Variants in DENND1A observed in about 807,000 individuals in gnomAD.
The protein encoded by DENND1A is DENN domain containing 1A.
DENND1A carries 51 observed loss-of-function variants against 113.7 expected under a neutral mutation model. The observed-to-expected ratio is 0.45, with a 90% CI of 0.36 to 0.57. The LOEUF (loss-of-function observed/expected upper bound fraction) is 0.57, where lower values mean the gene tolerates loss of function less well. Among genes scored for constraint, DENND1A ranks in the 20% least tolerant of loss-of-function variants. The probability of loss-of-function intolerance (pLI) is 0.00; values close to 1 mark genes in which losing one functional copy is unlikely to be tolerated. For synonymous variants in DENND1A, 565 were observed against 570.8 expected (o/e 0.99, Z 0.14); for missense variants, 1,258 against 1,395.9 (o/e 0.90, Z 1.57).
chr9:123,383,181 C>T (rs913333297), intron 23 of DENND1A, among the ~76,000 whole-genome samples: 10 of 152,234 alleles, frequency 6.6e-5, no homozygotes, highest in Non-Finnish European at 1.3e-4. Context: ...GTCAGAAGAC[C>T]CCACTTGCAA....
intron 8 of DENND1A, among the ~76,000 whole-genome samples, chr9:123,662,937 T>C (rs889932561): frequency 1.4e-4 from 22 of 151,910 alleles, no homozygotes; most frequent in Non-Finnish European, 2.9e-5. Flanking sequence ...TATAGGAAAA[T>C]CAATAAGTGA....
intron 12 of DENND1A, among the ~76,000 whole-genome samples, chr9:123,570,854 AG>A (rs2058315634): frequency 6.6e-6 from 1 of 152,212 alleles, no homozygotes; most frequent in African/African-American, 2.4e-5. Context: ...CGAGAGTCTG[AG>A]GGTTCTGGGC....
At chr9:123,817,723 G>T (rs1312312612) in intron 2 of DENND1A, among the ~76,000 whole-genome samples, 1 of 152,254 alleles carries the variant, frequency 6.6e-6, no homozygotes, top group East Asian at 1.9e-4. Context: ...TCAACTTTTA[G>T]AAATATACTA....
intron 2 of DENND1A, among the ~76,000 whole-genome samples, chr9:123,831,970 G>A (rs993662688): frequency 2.0e-5 from 3 of 152,004 alleles, no homozygotes; most frequent in African/African-American, 7.2e-5. Flanking sequence ...GCAACAGAGT[G>A]AGACTCCATC....
chr9:123,381,993 G>T lies in DENND1A; in HGVS notation c.2652C>A (p.Pro884=), dbSNP rs1170253947. 7 of 1,480,242 alleles carry T rather than the reference G, an allele frequency of 4.7e-6. No homozygotes were observed. Among genetic ancestry groups the T allele is most frequent in the African/African-American group, 1.4e-5 (1 of 71,246 alleles). The allele number at this position is 1,480,242 out of a possible 1,614,324, so 91.7% of individuals were successfully genotyped here. A position where few individuals can be genotyped will look rare whatever the true frequency, so the allele number is the denominator to read the frequency against. ...TGAGTGGTGGCTGTGGGAATGGGGT[G>T]GGTGTCCCTGCAGGGGGGAAGCTGA... ...PQFSFPPAGT[P]TPFPQPPLNP... is the part of the protein sequence containing the mutation. The change falls in exon 24 of 24, where the codon CCC becomes CCA. Residue 884 remains proline, a synonymous_variant. Coordinates refer to ENST00000394215, the MANE Select transcript of DENND1A (RefSeq NM_001352964.2). The surrounding 1 kb of genome is among the most constrained non-coding windows in gnomAD (Gnocchi z 4.7).
intron 5 of DENND1A, among the ~76,000 whole-genome samples, chr9:123,705,546 T>A (rs2066141092): frequency 6.6e-6 from 1 of 152,074 alleles, no homozygotes; most frequent in Non-Finnish European, 1.5e-5. Context: ...AAAATGTAAT[T>A]AAAAATATAT....
chr9:123,891,798 A>T (rs1261742932), intron 1 of DENND1A, among the ~76,000 whole-genome samples: 2 of 152,224 alleles, frequency 1.3e-5, no homozygotes, highest in African/African-American at 4.8e-5. Context: ...CCAAAATTCC[A>T]TCGATCCATC....
intron 2 of DENND1A, among the ~76,000 whole-genome samples, chr9:123,854,947 A>C (rs1441052192): frequency 1.3e-5 from 2 of 151,000 alleles, no homozygotes; most frequent in East Asian, 3.9e-4. Flanking sequence ...TATACTCTAA[A>C]TCTCTTTTCT....
At chr9:123,842,126 T>C (rs1195526604) in intron 2 of DENND1A, among the ~76,000 whole-genome samples, 3 of 152,234 alleles carry the variant, frequency 2.0e-5, no homozygotes, top group Middle Eastern at 3.2e-3. Flanking sequence ...GATGCTCAGC[T>C]GCCCTTTGAA....
chr9:123,904,619 C>T (rs1395610071), intron 1 of DENND1A, among the ~76,000 whole-genome samples: 3 of 149,212 alleles, frequency 2.0e-5, no homozygotes, highest in African/African-American at 5.1e-5. Context: ...AGGGTATCAG[C>T]AATGGAAGAT....
At chr9:123,917,939 T>C (rs1351860467) in intron 1 of DENND1A, among the ~76,000 whole-genome samples, 2 of 149,706 alleles carry the variant, frequency 1.3e-5, no homozygotes, top group Non-Finnish European at 3.0e-5. Context: ...TGAAACCCCA[T>C]CTCTACTAAA....
At chr9:123,616,325 T>C (rs1011695860) in intron 10 of DENND1A, among the ~76,000 whole-genome samples, 2 of 152,206 alleles carry the variant, frequency 1.3e-5, no homozygotes, top group Non-Finnish European at 2.9e-5. Context: ...TCCAAGTCTC[T>C]TACGCTACTC....
chr9:123,476,158 T>C (rs1436667729), intron 13 of DENND1A, among the ~76,000 whole-genome samples: 1 of 150,734 alleles, frequency 6.6e-6, no homozygotes, highest in African/African-American at 2.4e-5. Flanking sequence ...CACTACAGCC[T>C]GGGTGACAGA....
At chr9:123,849,234 G>C (rs1460359428) in intron 2 of DENND1A, among the ~76,000 whole-genome samples, 1 of 152,178 alleles carries the variant, frequency 6.6e-6, no homozygotes, top group African/African-American at 2.4e-5. Flanking sequence ...CTTTTGTTAG[G>C]AGCTAATGCA....
At chr9:123,447,009 T>A (rs924074012) in intron 18 of DENND1A, among the ~76,000 whole-genome samples, 10 of 152,146 alleles carry the variant, frequency 6.6e-5, no homozygotes, top group Non-Finnish European at 1.2e-4. Flanking sequence ...AGAAATGGAT[T>A]TGTGGCCACT....
chr9:123,796,027 T>C (rs899503580), intron 2 of DENND1A, among the ~76,000 whole-genome samples: 2 of 152,188 alleles, frequency 1.3e-5, no homozygotes, highest in African/African-American at 2.4e-5. Flanking sequence ...CTTCAGACAA[T>C]AGATAACTCA....
chr9:123,582,093 G>A (rs1173718609), intron 12 of DENND1A, among the ~76,000 whole-genome samples: 1 of 152,082 alleles, frequency 6.6e-6, no homozygotes, highest in African/African-American at 2.4e-5. Context: ...AGTGCAATGC[G>A]GAGGGTGCAC....
intron 13 of DENND1A, among the ~76,000 whole-genome samples, chr9:123,512,087 T>C (rs181896604): frequency 6.6e-6 from 1 of 152,186 alleles, no homozygotes; most frequent in East Asian, 1.9e-4. Context: ...ACCAGCAGAA[T>C]GGCAAAAAGG....
chr9:123,822,310 C>G (rs1838609530), intron 2 of DENND1A, among the ~76,000 whole-genome samples: 1 of 152,160 alleles, frequency 6.6e-6, no homozygotes, highest in Admixed American at 6.5e-5. Flanking sequence ...TTATATGAGA[C>G]AGGTGTCCCA....
Sources: allele counts gnomAD v4.1 joint callset (sites outside exome capture counted in the v4.1 genomes callset), GRCh38; gene constraint gnomAD v4.1.1; non-coding constraint Gnocchi (gnomAD v3.1); transcripts MANE v1.5; gene names NCBI Gene and HGNC (gene_info 2026-07-23, HGNC 2026-07-21).